Variants in THADA observed in about 807,000 individuals in gnomAD.
The protein encoded by THADA is tRNA (32-2'-O)-methyltransferase regulator THADA.
A neutral mutation model predicts 219.8 loss-of-function variants in THADA; 213 were observed. The ratio of observed to expected loss-of-function variants is 0.97; its 90% CI spans 0.87 to 1.09. The LOEUF is 1.09. Among genes scored for constraint, THADA ranks in the 50% least tolerant of loss-of-function variants. THADA has a pLI of 0.00. For missense variants in THADA, 2,956 were observed against 2,311.3 expected, an observed-to-expected ratio of 1.28 and a Z score of -5.72; for synonymous variants, 1,018 against 828.9, an observed-to-expected ratio of 1.23 and a Z score of -3.92.
At chr2:43,571,282 C>G (rs1699269048) in intron 13 of THADA, among the ~76,000 whole-genome samples, 1 of 145,494 alleles carries the variant, frequency 6.9e-6, no homozygotes, top group Non-Finnish European at 1.5e-5. Flanking sequence ...GACCGAGTCT[C>G]ACTCTGTTGC....
At chr2:43,579,335 G>A (rs547921668) in intron 8 of THADA, among the ~76,000 whole-genome samples, 8 of 152,310 alleles carry the variant, frequency 5.3e-5, no homozygotes, top group African/African-American at 9.6e-5. Flanking sequence ...TTCAGGGCTT[G>A]TATAAAGAAT....
intron 29 of THADA, among the ~76,000 whole-genome samples, chr2:43,379,073 T>C (rs2104648404): frequency 6.6e-6 from 1 of 152,270 alleles, no homozygotes; most frequent in East Asian, 1.9e-4. Context: ...CAAGCATAAA[T>C]ACTGAGTGTA....
intron 28 of THADA, among the ~76,000 whole-genome samples, chr2:43,406,826 C>T (rs370924205): frequency 6.6e-6 from 1 of 152,058 alleles, no homozygotes; most frequent in South Asian, 2.1e-4. Flanking sequence ...AAAAGCATTC[C>T]GGATCTACCC....
chr2:43,592,531 G>C, intron 1 of THADA, 115 bp from the exon 2 acceptor site: 1 of 585,504 alleles, frequency 1.7e-6, no homozygotes, highest in Non-Finnish European at 2.9e-6. Flanking sequence ...TATGTTTCAT[G>C]CATCCCCATC....
At chr2:43,555,512 T>C (rs1697240039) in intron 17 of THADA, among the ~76,000 whole-genome samples, 4 of 152,130 alleles carry the variant, frequency 2.6e-5, no homozygotes, top group South Asian at 4.1e-4. Flanking sequence ...GAAGCATGCA[T>C]TCCCTATTCA....
At chr2:43,297,902 G>T (rs1476260129) in intron 31 of THADA, among the ~76,000 whole-genome samples, 2 of 108,216 alleles carry the variant, frequency 1.8e-5, no homozygotes, top group Non-Finnish European at 3.6e-5. Flanking sequence ...CCCCTACTGG[G>T]AAGTGAGGAG....
intron 34 of THADA, among the ~76,000 whole-genome samples, chr2:43,288,977 T>C (rs1210928112): frequency 6.6e-6 from 1 of 152,214 alleles, no homozygotes; most frequent in Non-Finnish European, 1.5e-5. Context: ...CAGCCCTGAC[T>C]AAGCACTAAT....
chr2:43,348,566 C>T (rs1667901954), intron 29 of THADA, among the ~76,000 whole-genome samples: 1 of 152,112 alleles, frequency 6.6e-6, no homozygotes, highest in South Asian at 2.1e-4. Context: ...ACATCTCCAC[C>T]CCACCCCAAT....
chr2:43,522,884 G>A (rs1553474326), intron 22 of THADA, among the ~76,000 whole-genome samples: 1 of 152,040 alleles, frequency 6.6e-6, no homozygotes, highest in Non-Finnish European at 1.5e-5. Context: ...TCGCGCCACT[G>A]CAGTCCAGCC....
intron 29 of THADA, chr2:43,370,030 G>C (rs898951713): frequency 2.6e-5 from 4 of 152,082 alleles, no homozygotes; most frequent in African/African-American, 4.8e-5. Context: ...GCACAGTACT[G>C]AGCATTTAAT....
intron 29 of THADA, among the ~76,000 whole-genome samples, chr2:43,385,438 C>T (rs1252437299): frequency 6.6e-6 from 1 of 151,782 alleles, no homozygotes; most frequent in African/African-American, 2.4e-5. Flanking sequence ...AACCCCGTCT[C>T]TACTAAAAAT....
At chr2:43,377,148 A>C (rs1031687297) in intron 29 of THADA, among the ~76,000 whole-genome samples, 2 of 152,192 alleles carry the variant, frequency 1.3e-5, no homozygotes, top group Admixed American at 6.5e-5. Flanking sequence ...ATCTCCTCTG[A>C]GCTACCTGTG....
At chr2:43,325,201 C>A (rs1053828437) in intron 30 of THADA, among the ~76,000 whole-genome samples, 2 of 152,050 alleles carry the variant, frequency 1.3e-5, no homozygotes, top group Admixed American at 1.3e-4. Flanking sequence ...GACACGTCCA[C>A]AAAAGCCCCA....
intron 8 of THADA, among the ~76,000 whole-genome samples, 198 bp downstream of exon 8, chr2:43,581,543 C>CAAAAAA (rs397938497): frequency 1.5e-5 from 1 of 67,664 alleles, no homozygotes; most frequent in African/African-American, 4.8e-5. Flanking sequence ...GATTCGGTCT[C>CAAAAAA]AAAAAAAAAA....
At chr2:43,582,779 G>T (rs1700598714) in intron 7 of THADA, among the ~76,000 whole-genome samples, 1 of 151,834 alleles carries the variant, frequency 6.6e-6, no homozygotes, top group African/African-American at 2.4e-5. Flanking sequence ...ATGTTGGCCA[G>T]GCTGGTCTCA....
intron 29 of THADA, among the ~76,000 whole-genome samples, chr2:43,354,414 T>C (rs1668650461): frequency 6.6e-6 from 1 of 152,014 alleles, no homozygotes; most frequent in Non-Finnish European, 1.5e-5. Flanking sequence ...AATAAATTAT[T>C]GTTGACTGTA....
Position 43,559,154 on chromosome 2 carries a change from G to C in THADA, c.2463+1080C>G, listed in dbSNP as rs72867046. 6.9e-3 allele frequency among the ~76,000 whole-genome samples: 1,053 copies of C among 152,302 alleles called. 16 individuals are homozygous for C. Among genetic ancestry groups the C allele is most frequent in the African/African-American group, 0.024 (1,003 of 41,566 alleles). ...GTGAGGAGTGGCAGACAGAGGAAGAGAAAATCTCCTCTTTAAAAACTGTGT... is the reference window on the plus strand; with the variant it reads ...GTGAGGAGTGGCAGACAGAGGAAGACAAAATCTCCTCTTTAAAAACTGTGT... On this transcript the variant is annotated intron_variant, in intron 16 of 37. Transcript: ENST00000405975.
intron 22 of THADA, among the ~76,000 whole-genome samples, chr2:43,511,933 C>A (rs1690521458): frequency 6.6e-6 from 1 of 152,164 alleles, no homozygotes; most frequent in African/African-American, 2.4e-5. Context: ...GATGAGATGA[C>A]TGGGGAAAGA....
chr2:43,431,489 G>A (rs1030601985), intron 26 of THADA, among the ~76,000 whole-genome samples: 7 of 151,842 alleles, frequency 4.6e-5, no homozygotes, highest in East Asian at 1.9e-4. Flanking sequence ...TTTTTGAGAC[G>A]GAGTCTCACT....
Sources: allele counts gnomAD v4.1 joint callset (sites outside exome capture counted in the v4.1 genomes callset), GRCh38; gene constraint gnomAD v4.1.1; transcripts MANE v1.5; gene names NCBI Gene and HGNC (gene_info 2026-07-23, HGNC 2026-07-21).